Variants in NXPH1 observed in about 807,000 individuals in gnomAD.
NXPH1 encodes the protein neurexophilin-1.
Under a neutral mutation model 23.7 loss-of-function variants are expected in NXPH1, and 5 were observed. The observed-to-expected ratio is 0.21, with a 90% CI of 0.11 to 0.44. NXPH1 has a LOEUF of 0.44. NXPH1 is among the 20% of genes least tolerant of loss of function. NXPH1 has a pLI of 0.99. For missense variants in NXPH1, 324 were observed against 321.6 expected, an observed-to-expected ratio of 1.01 and a Z score of -0.06; for synonymous variants, 144 against 122.2, an observed-to-expected ratio of 1.18 and a Z score of -1.18.
intron 2 of NXPH1, among the ~76,000 whole-genome samples, chr7:8,663,680 G>T (rs1820716899): frequency 6.6e-6 from 1 of 152,032 alleles, no homozygotes; most frequent in Non-Finnish European, 1.5e-5. Flanking sequence ...TTCTTAAGAA[G>T]TACATTAATT....
intron 2 of NXPH1, among the ~76,000 whole-genome samples, chr7:8,604,617 T>C (rs1169571220): frequency 1.3e-5 from 2 of 152,150 alleles, no homozygotes; most frequent in Non-Finnish European, 2.9e-5. Flanking sequence ...TTATATGTTT[T>C]TCATTGCAAT....
intron 2 of NXPH1, among the ~76,000 whole-genome samples, chr7:8,460,519 G>T (rs989940735): frequency 3.3e-5 from 5 of 152,168 alleles, no homozygotes; most frequent in Non-Finnish European, 5.9e-5. Flanking sequence ...CCTGAAGCAG[G>T]TTTGTTTAGT....
At chr7:8,625,979 T>C (rs1412755683) in intron 2 of NXPH1, among the ~76,000 whole-genome samples, 1 of 152,146 alleles carries the variant, frequency 6.6e-6, no homozygotes, top group African/African-American at 2.4e-5. Flanking sequence ...AATCTTTTTG[T>C]CTGTGAATCT....
chr7:8,751,034 T>C lies in NXPH1; in HGVS notation c.81T>C (p.Gly27=), dbSNP rs956594347. The change falls in exon 3 of 3, where the codon GGT becomes GGC. Residue 27 remains glycine, a synonymous_variant. Coordinates refer to ENST00000405863, the MANE Select transcript of NXPH1 (RefSeq NM_152745.3). This position sits in a 1 kb window ranked among gnomAD's most constrained non-coding sequence, Gnocchi z 4.5. The part of the protein sequence containing the change: ...YLVTCANLTN[G]GKSELLKSGS... ...TCACATGTGCCAATTTAACGAACGGTGGAAAGTCAGAACTTCTGAAATCAG... is the reference window on the plus strand; with the variant it reads ...TCACATGTGCCAATTTAACGAACGGCGGAAAGTCAGAACTTCTGAAATCAG... 1.4e-5 allele frequency: 22 copies of C among 1,613,560 alleles called. No individual in the cohort carries two copies. The highest frequency in any genetic ancestry group is 1.9e-5 in the Non-Finnish European group (22 of 1,179,694).
At chr7:8,525,743 G>A (rs1380319995) in intron 2 of NXPH1, among the ~76,000 whole-genome samples, 3 of 152,236 alleles carry the variant, frequency 2.0e-5, no homozygotes, top group Non-Finnish European at 2.9e-5. Context: ...CAGCTTCCAC[G>A]TGGTGTTGAG....
rs189526995 is a variant in NXPH1 at position 8,545,487 on chromosome 7, T to C, written c.54+109720T>C. ...TACTGTCCTCTTGTAGAGTTAAATA[T>C]GAGATTTTACTTCGAGGGCATATGT... On this transcript the variant is annotated intron_variant, in intron 2 of 2. Coordinates refer to ENST00000405863, the MANE Select transcript of NXPH1 (RefSeq NM_152745.3). Among the ~76,000 whole-genome samples, 469 of 151,670 alleles carry C rather than the reference T, an allele frequency of 3.1e-3. 5 individuals carry two copies. The highest frequency in any genetic ancestry group is 0.01 in the African/African-American group (435 of 41,486).
intron 2 of NXPH1, among the ~76,000 whole-genome samples, chr7:8,589,811 C>G (rs898063723): frequency 1.3e-5 from 2 of 152,040 alleles, no homozygotes; most frequent in Non-Finnish European, 2.9e-5. Context: ...TAGCCACCAT[C>G]CAGTAGATAG....
At chr7:8,580,543 C>T (rs1818845950) in intron 2 of NXPH1, among the ~76,000 whole-genome samples, 1 of 152,088 alleles carries the variant, frequency 6.6e-6, no homozygotes, top group Non-Finnish European at 1.5e-5. Flanking sequence ...GAAGAGGCAG[C>T]AGCTGAACAT....
At chr7:8,590,019 G>GA (rs992285911) in intron 2 of NXPH1, among the ~76,000 whole-genome samples, 2 of 152,140 alleles carry the variant, frequency 1.3e-5, no homozygotes, top group African/African-American at 4.8e-5. Context: ...CCTCATGGCA[G>GA]AAAGCTCTAT....
At chr7:8,553,637 A>G (rs1169922612) in intron 2 of NXPH1, among the ~76,000 whole-genome samples, 4 of 151,498 alleles carry the variant, frequency 2.6e-5, no homozygotes, top group Non-Finnish European at 5.9e-5. Context: ...TGTGGCAGTA[A>G]ATCTCTAGTT....
Position 8,751,099 on chromosome 7 carries a change from G to C in NXPH1, c.146G>C (p.Ser49Thr), listed in dbSNP as rs1382691187. ...ACACTAAAGCACATATGGACAGAAA[G>C]CAGCAAAGACTTGTCTATCAGCCGA... is the stretch of plus-strand genomic sequence containing the variant. ...KSTLKHIWTE[S>T]SKDLSISRLL... Residue 49 changes from serine to threonine, a missense_variant, in exon 3 of 3, where the codon AGC becomes ACC. Coordinates refer to ENST00000405863, the MANE Select transcript of NXPH1 (RefSeq NM_152745.3). The surrounding 1 kb of genome is among the most constrained non-coding windows in gnomAD (Gnocchi z 4.5). The C allele has an allele frequency of 3.1e-6, 5 of 1,613,852 alleles. No homozygotes were observed.
chr7:8,516,291 T>A (rs1817686119), intron 2 of NXPH1, among the ~76,000 whole-genome samples: 1 of 152,108 alleles, frequency 6.6e-6, no homozygotes, highest in Non-Finnish European at 1.5e-5. Context: ...GGGATTTGCT[T>A]ATTAGTTGCT....
intron 2 of NXPH1, among the ~76,000 whole-genome samples, chr7:8,612,115 G>T (rs893504485): frequency 2.0e-4 from 30 of 151,864 alleles, no homozygotes; most frequent in Non-Finnish European, 4.0e-4. Context: ...TTCAGTGTTT[G>T]AGTTCTTTTT....
intron 2 of NXPH1, among the ~76,000 whole-genome samples, chr7:8,574,429 G>A (rs1174675730): frequency 1.3e-5 from 2 of 151,928 alleles, no homozygotes; most frequent in African/African-American, 4.8e-5. Context: ...TCATCACATA[G>A]ATGTTTTTAT....
At chr7:8,499,451 C>A (rs1429303592) in intron 2 of NXPH1, among the ~76,000 whole-genome samples, 1 of 152,040 alleles carries the variant, frequency 6.6e-6, no homozygotes, top group Non-Finnish European at 1.5e-5. Context: ...CTGAGCTATA[C>A]CAGCCTACAA....
At chr7:8,607,331 C>G (rs1227094271) in intron 2 of NXPH1, among the ~76,000 whole-genome samples, 1 of 152,150 alleles carries the variant, frequency 6.6e-6, no homozygotes, top group Non-Finnish European at 1.5e-5. Flanking sequence ...CAATGAGTTG[C>G]TAGAAGAATG....
chr7:8,748,682 C>T (rs914177535), intron 2 of NXPH1, among the ~76,000 whole-genome samples: 7 of 152,188 alleles, frequency 4.6e-5, no homozygotes, highest in Admixed American at 1.3e-4. Flanking sequence ...CAACTGTACT[C>T]GAGCTAGCAG....
intron 2 of NXPH1, among the ~76,000 whole-genome samples, chr7:8,570,855 G>A (rs566083232): frequency 6.6e-6 from 1 of 151,688 alleles, no homozygotes; most frequent in Admixed American, 6.6e-5. Context: ...AATTTGGTAG[G>A]CAAAAGAGTC....
chr7:8,621,446 T>A (rs993879921), intron 2 of NXPH1, among the ~76,000 whole-genome samples: 5 of 151,984 alleles, frequency 3.3e-5, no homozygotes, highest in Admixed American at 1.3e-4. Flanking sequence ...GACAAAGCTC[T>A]TTGCTTAAGA....
Sources: gnomAD v4.1 joint callset for allele counts (sites outside exome capture counted in the v4.1 genomes callset) on GRCh38, gnomAD v4.1.1 for gene constraint, Gnocchi (gnomAD v3.1) non-coding constraint, MANE v1.5 for transcripts, NCBI Gene and HGNC (gene_info 2026-07-23, HGNC 2026-07-21) for gene names.